The following FGFR2 variants were observed in gnomAD, a reference collection of about 807,000 sequenced individuals.
FGFR2 encodes BEK fibroblast growth factor receptor.
In FGFR2, 19 loss-of-function variants were observed where a neutral mutation model predicts 95.9. The observed-to-expected ratio is 0.20, with a 90% CI of 0.14 to 0.29. FGFR2 has a LOEUF of 0.29. FGFR2 is among the 10% of genes least tolerant of loss of function. The probability of loss-of-function intolerance (pLI) is 1.00; values close to 1 mark genes in which losing one functional copy is unlikely to be tolerated. For missense variants in FGFR2, 707 were observed against 1,056.9 expected (o/e 0.67, Z 4.59); for synonymous variants, 392 against 393.3 (o/e 1.00, Z 0.04).
At position 121,483,681 on chromosome 10, in the gene FGFR2, T is replaced by A. The variant is rs1845048758; in HGVS notation, c.2301+17A>T. 6.3e-7 allele frequency: 1 copy of A among 1,588,538 alleles called. No homozygotes were observed. The highest frequency in any genetic ancestry group is 1.3e-5 in the African/African-American group (1 of 74,434). On this transcript the variant is annotated intron_variant, in intron 17 of 17. Transcript: ENST00000358487. ...AAGACAACCAAGGACAAGGGGCTTCTAGAAGGAAGTTCTTACCTCATTGGT... is the reference window on the plus strand; with the variant it reads ...AAGACAACCAAGGACAAGGGGCTTCAAGAAGGAAGTTCTTACCTCATTGGT...
chr10:121,556,396 A>T (rs1235739645), intron 4 of FGFR2, among the ~76,000 whole-genome samples: 11 of 128,140 alleles, frequency 8.6e-5, no homozygotes, highest in South Asian at 2.6e-4. Flanking sequence ...TTTATAATCT[A>T]CTCTCTCTCT....
intron 2 of FGFR2, among the ~76,000 whole-genome samples, chr10:121,588,133 A>G (rs1272224027): frequency 6.6e-6 from 1 of 152,156 alleles, no homozygotes; most frequent in Non-Finnish European, 1.5e-5. Flanking sequence ...TTAGCAATAA[A>G]CCAAATACAG....
intron 5 of FGFR2, 68 bp from the exon 6 acceptor site, chr10:121,538,783 T>G: frequency 1.2e-6 from 2 of 1,606,754 alleles, no homozygotes; most frequent in Non-Finnish European, 1.7e-6. Context: ...CTGTGCTTTC[T>G]TGATTTAAAA....
intron 2 of FGFR2, among the ~76,000 whole-genome samples, chr10:121,586,617 C>T (rs939090150): frequency 1.3e-5 from 2 of 152,278 alleles, no homozygotes; most frequent in East Asian, 3.9e-4. Flanking sequence ...TCCATGGTAC[C>T]GGTTTCCCAA....
chr10:121,547,274 A>C (rs943283452), intron 5 of FGFR2, among the ~76,000 whole-genome samples: 1 of 152,208 alleles, frequency 6.6e-6, no homozygotes, highest in Non-Finnish European at 1.5e-5. Flanking sequence ...AGGAGTCAGG[A>C]ATGAATCAGT....
chr10:121,523,363 C>A (rs1850834889), intron 6 of FGFR2, among the ~76,000 whole-genome samples: 1 of 152,188 alleles, frequency 6.6e-6, no homozygotes, highest in Non-Finnish European at 1.5e-5. Context: ...CCCAGCAAGC[C>A]TCCTGGTCAG....
chr10:121,566,382 A>C (rs1857675291), intron 2 of FGFR2, among the ~76,000 whole-genome samples: 1 of 152,206 alleles, frequency 6.6e-6, no homozygotes, highest in Admixed American at 6.5e-5. Context: ...CAAAAAGAGC[A>C]AAATGCCCAG....
intron 4 of FGFR2, among the ~76,000 whole-genome samples, chr10:121,556,752 G>A (rs1158411714): frequency 6.6e-6 from 1 of 152,072 alleles, no homozygotes; most frequent in Non-Finnish European, 1.5e-5. Context: ...GTATTTTTAT[G>A]GATGCAAAAA....
rs757125418 is a variant in FGFR2 at position 121,503,901 on chromosome 10, G to C, written c.1328C>G (p.Pro443Arg). ...GAGGCGTGTTGTTATCCTCACCAGCGGGGTGTTGGAGTTCATGGAGGAGCT... is the reference window on the plus strand; with the variant it reads ...GAGGCGTGTTGTTATCCTCACCAGCCGGGTGTTGGAGTTCATGGAGGAGCT... ...ESSSSMNSNT[P>R]LVRITTRLSS... The change falls in exon 10 of 18, where the codon CCG becomes CGG. Residue 443 changes from proline (P) to arginine (R), a missense_variant. Physicochemically the swap from Pro to Arg is moderately radical, Grantham distance 103 (BLOSUM62 -2). Around this residue, in one of 7 missense-constraint regions of FGFR2, gnomAD observed 194 missense variants for 267.3 expected, o/e 0.73. Coordinates refer to ENST00000358487, the MANE Select transcript of FGFR2 (RefSeq NM_000141.5). 12 of 1,613,938 alleles carry C rather than the reference G, an allele frequency of 7.4e-6. No homozygotes were observed. Among genetic ancestry groups the C allele is most frequent in the African/African-American group, 1.3e-5 (1 of 74,896 alleles).
At chr10:121,483,321 A>G (rs938332428) in intron 17 of FGFR2, among the ~76,000 whole-genome samples, 2 of 152,194 alleles carry the variant, frequency 1.3e-5, no homozygotes, top group African/African-American at 4.8e-5. Context: ...CAGTTTACCC[A>G]CTAATGACCA....
At chr10:121,596,880 G>C (rs969671430) in intron 1 of FGFR2, among the ~76,000 whole-genome samples, 2 of 152,114 alleles carry the variant, frequency 1.3e-5, no homozygotes, top group African/African-American at 4.8e-5. Context: ...AGAGAGAGGG[G>C]CGCCTGATTG....
At chr10:121,553,474 C>G (rs1235668127) in intron 4 of FGFR2, among the ~76,000 whole-genome samples, 1 of 152,186 alleles carries the variant, frequency 6.6e-6, no homozygotes, top group African/African-American at 2.4e-5. Flanking sequence ...TTAAAAGCTT[C>G]TACTTAGAAA....
At chr10:121,538,917 T>C (rs1049515186) in intron 5 of FGFR2, among the ~76,000 whole-genome samples, 1 of 152,158 alleles carries the variant, frequency 6.6e-6, no homozygotes, top group Non-Finnish European at 1.5e-5. Flanking sequence ...GTGAAGCAAA[T>C]ATTGACATAT....
At chr10:121,505,302 G>A (rs1044903456) in intron 9 of FGFR2, among the ~76,000 whole-genome samples, 3 of 152,144 alleles carry the variant, frequency 2.0e-5, no homozygotes, top group African/African-American at 7.2e-5. Context: ...GGATTAGGAA[G>A]TTGTTTTCAG....
At chr10:121,498,748 T>C (rs1395516485) in intron 11 of FGFR2, 143 bp from the exon 12 acceptor site, 1 of 759,312 alleles carries the variant, frequency 1.3e-6, no homozygotes, top group Admixed American at 2.0e-5. Flanking sequence ...CTCCCTCATT[T>C]TATCGAGGAA....
chr10:121,509,064 T>C (rs537672477), intron 9 of FGFR2, among the ~76,000 whole-genome samples: 5 of 152,384 alleles, frequency 3.3e-5, no homozygotes, highest in African/African-American at 9.6e-5. Flanking sequence ...GAAATCCTTC[T>C]ACTTCTTTAG....
At chr10:121,507,445 G>A (rs996487840) in intron 9 of FGFR2, among the ~76,000 whole-genome samples, 12 of 152,142 alleles carry the variant, frequency 7.9e-5, no homozygotes, top group East Asian at 3.9e-4. Flanking sequence ...AAAGTTAGCC[G>A]GGCATGGTGG....
In FGFR2 at chr10:121,598,331, G is replaced by A. The variant is rs960073660; in HGVS notation, c.-520C>T. 4 of 304,284 alleles carry A rather than the reference G, an allele frequency of 1.3e-5. No individual in the cohort carries two copies. The highest frequency in any genetic ancestry group is 4.8e-5 in the East Asian group (1 of 20,858). 18.8% of individuals were successfully genotyped at this position (304,284 alleles called of 1,614,324 possible). ...CAGCCCGGAGAGCAGTCGCCGCGCC[G>A]GGCCAGGTACGCCGCATGCAGCCCC... On this transcript the variant is annotated 5_prime_UTR_variant, in exon 1 of 18. Transcript: ENST00000358487.
At chr10:121,553,139 C>T (rs1238505115) in intron 4 of FGFR2, among the ~76,000 whole-genome samples, 1 of 152,192 alleles carries the variant, frequency 6.6e-6, no homozygotes, top group East Asian at 1.9e-4. Flanking sequence ...CAAGGCCATG[C>T]TGTATCTTTA....
Sources: gnomAD v4.1 joint callset for allele counts (sites outside exome capture counted in the v4.1 genomes callset) on GRCh38, gnomAD v4.1.1 for gene constraint, gnomAD v4.1.1 regional missense constraint, MANE v1.5 for transcripts, NCBI Gene and HGNC (gene_info 2026-07-23, HGNC 2026-07-21) for gene names.